The following PTPRN2 variants were observed in gnomAD, a reference collection of about 807,000 sequenced individuals.
The protein encoded by PTPRN2 is receptor-type tyrosine-protein phosphatase N2.
Under a neutral mutation model 118.8 loss-of-function variants are expected in PTPRN2, and 74 were observed. The observed-to-expected ratio is 0.62, with a 90% CI of 0.52 to 0.76. The LOEUF is 0.76. Ranked by LOEUF, PTPRN2 falls within the 30% of genes least tolerant of loss-of-function variation. PTPRN2 has a pLI of 0.00. For synonymous variants in PTPRN2, 641 were observed against 608.0 expected, an observed-to-expected ratio of 1.05 and a Z score of -0.80; for missense variants, 1,481 against 1,394.4, an observed-to-expected ratio of 1.06 and a Z score of -0.99.
chr7:158,190,847 A>G lies in PTPRN2; in HGVS notation c.549+1480T>C, dbSNP rs569103936. On this transcript the variant is annotated intron_variant, in intron 5 of 22. Transcript: ENST00000389418. Reference sequence around the variant, plus strand: ...AGACTGGCTTCTGCATTCAAACGTCATTGTGACATCCTCCTGAAGAGGCAA... The same window carrying G: ...AGACTGGCTTCTGCATTCAAACGTCGTTGTGACATCCTCCTGAAGAGGCAA... 2.0e-5 allele frequency among the ~76,000 whole-genome samples: 3 copies of G among 152,348 alleles called. No individual in the cohort carries two copies. In the East Asian group the frequency reaches 5.8e-4, roughly 29 times the overall value.
At chr7:157,646,992 TCGG>T (rs2150710664) in intron 14 of PTPRN2, among the ~76,000 whole-genome samples, 1 of 144,274 alleles carries the variant, frequency 6.9e-6, no homozygotes, top group South Asian at 2.2e-4. Context: ...TGCACTGAAC[TCGG>T]TGGGTCGGAC....
intron 3 of PTPRN2, among the ~76,000 whole-genome samples, chr7:158,248,912 C>T (rs1221774056): frequency 6.7e-6 from 1 of 148,508 alleles, no homozygotes; most frequent in Non-Finnish European, 1.5e-5. Context: ...TGCATATATA[C>T]ACCACACAGT....
At chr7:157,564,189 T>G (rs542174178) in intron 21 of PTPRN2, among the ~76,000 whole-genome samples, 1 of 152,210 alleles carries the variant, frequency 6.6e-6, no homozygotes, top group Non-Finnish European at 1.5e-5. Flanking sequence ...TGGAGCGCAA[T>G]GGTGCGATCT....
At chr7:157,841,756 C>G (rs552962886) in intron 12 of PTPRN2, among the ~76,000 whole-genome samples, 2 of 152,298 alleles carry the variant, frequency 1.3e-5, no homozygotes, top group Admixed American at 1.3e-4. Context: ...TTGAGAAACA[C>G]TACTATTTTT....
At chr7:158,039,843 T>C (rs952132117) in intron 11 of PTPRN2, among the ~76,000 whole-genome samples, 1 of 152,186 alleles carries the variant, frequency 6.6e-6, no homozygotes, top group African/African-American at 2.4e-5. Context: ...ATGATGAATA[T>C]GAGAAGTGCT....
intron 2 of PTPRN2, among the ~76,000 whole-genome samples, chr7:158,407,929 A>G (rs987244589): frequency 1.3e-5 from 2 of 152,248 alleles, no homozygotes; most frequent in Non-Finnish European, 2.9e-5. Flanking sequence ...AAGTCTACAG[A>G]GCTTGTGTGC....
At position 158,556,515 on chromosome 7, in the gene PTPRN2, T is replaced by G. The variant is rs187779581; in HGVS notation, c.112+31043A>C. 1.0e-4 allele frequency among the ~76,000 whole-genome samples: 15 copies of G among 149,406 alleles called. No individual in the cohort carries two copies. The East Asian group carries it at 2.8e-3, about 27-fold the overall frequency. On this transcript the variant is annotated intron_variant, in intron 1 of 22. Coordinates refer to ENST00000389418, the MANE Select transcript of PTPRN2 (RefSeq NM_002847.5). ...TTGCAGTGAGCCGAGACCACACCAC[T>G]GCACTCCAGCCTGGGCGACAGAGCA...
At chr7:157,848,348 T>C (rs571884280) in intron 12 of PTPRN2, among the ~76,000 whole-genome samples, 1 of 148,874 alleles carries the variant, frequency 6.7e-6, no homozygotes, top group South Asian at 2.2e-4. Flanking sequence ...ATGGGTGCAG[T>C]ATGTTTACAG....
intron 12 of PTPRN2, among the ~76,000 whole-genome samples, chr7:157,688,986 C>T (rs897084953): frequency 4.6e-5 from 7 of 152,330 alleles, no homozygotes; most frequent in Non-Finnish European, 7.3e-5. Flanking sequence ...GGTGCTGCGG[C>T]CCAGCCTCCT....
intron 11 of PTPRN2, among the ~76,000 whole-genome samples, chr7:158,072,395 T>C (rs1003021996): frequency 6.6e-6 from 1 of 152,128 alleles, no homozygotes; most frequent in African/African-American, 2.4e-5. Context: ...GGCATTCCCG[T>C]GCTGGGAGGA....
intron 3 of PTPRN2, among the ~76,000 whole-genome samples, chr7:158,309,178 T>C (rs1467357738): frequency 2.3e-5 from 2 of 88,466 alleles, no homozygotes; most frequent in Non-Finnish European, 5.0e-5. Flanking sequence ...ATGCAAAGTA[T>C]TGATCCTGGG....
chr7:157,576,551 C>T, intron 19 of PTPRN2, 62 bp downstream of exon 19: 1 of 1,447,332 alleles, frequency 6.9e-7, no homozygotes, highest in South Asian at 1.3e-5. Flanking sequence ...AGCACCGAAG[C>T]CTCGCTCCCC....
At chr7:158,080,901 G>A (rs1380981639) in intron 11 of PTPRN2, among the ~76,000 whole-genome samples, 1 of 152,144 alleles carries the variant, frequency 6.6e-6, no homozygotes, top group Non-Finnish European at 1.5e-5. Context: ...GGTACAAAAT[G>A]AAAAACCTCA....
intron 11 of PTPRN2, among the ~76,000 whole-genome samples, chr7:158,007,884 G>A (rs1268978120): frequency 1.3e-5 from 2 of 150,956 alleles, no homozygotes; most frequent in East Asian, 2.0e-4. Context: ...ATGTGCACGT[G>A]TGTGTATGTA....
At chr7:158,060,867 G>C (rs990646463) in intron 11 of PTPRN2, among the ~76,000 whole-genome samples, 1 of 152,248 alleles carries the variant, frequency 6.6e-6, no homozygotes, top group African/African-American at 2.4e-5. Flanking sequence ...GACCTTTCAA[G>C]GCTTTTTGTT....
At chr7:158,516,458 C>G (rs183430339) in intron 1 of PTPRN2, among the ~76,000 whole-genome samples, 20 of 152,354 alleles carry the variant, frequency 1.3e-4, no homozygotes, top group African/African-American at 4.6e-4. Flanking sequence ...TCCCCAGCCC[C>G]CTCCCAGCCT....
intron 1 of PTPRN2, among the ~76,000 whole-genome samples, chr7:158,521,627 G>T (rs1407500529): frequency 9.0e-6 from 1 of 111,572 alleles, no homozygotes; most frequent in Non-Finnish European, 1.8e-5. Flanking sequence ...GCTCAGGAGG[G>T]AGGTCCACGT....
At chr7:157,630,897 G>C (rs559864118) in intron 14 of PTPRN2, among the ~76,000 whole-genome samples, 13 of 152,214 alleles carry the variant, frequency 8.5e-5, no homozygotes, top group Non-Finnish European at 1.9e-4. Context: ...ACACGTATCT[G>C]CAGTAAGTCA....
intron 11 of PTPRN2, among the ~76,000 whole-genome samples, chr7:157,942,235 G>A (rs562509729): frequency 2.2e-4 from 32 of 148,484 alleles, no homozygotes; most frequent in African/African-American, 6.2e-4. Context: ...GGGAGTCCTC[G>A]GCACGCCTTT....
Sources: gnomAD v4.1 joint callset for allele counts (sites outside exome capture counted in the v4.1 genomes callset) on GRCh38, gnomAD v4.1.1 for gene constraint, MANE v1.5 for transcripts, NCBI Gene and HGNC (gene_info 2026-07-23, HGNC 2026-07-21) for gene names.